The following PPP4R2 variants were observed in gnomAD, a reference collection of about 807,000 sequenced individuals.
PPP4R2 encodes the protein serine/threonine-protein phosphatase 4 regulatory subunit 2.
Under a neutral mutation model 47.2 loss-of-function variants are expected in PPP4R2, and 13 were observed. The ratio of observed to expected loss-of-function variants is 0.28; its 90% CI spans 0.18 to 0.44. The LOEUF (loss-of-function observed/expected upper bound fraction) is 0.44. Among genes scored for constraint, PPP4R2 ranks in the 20% least tolerant of loss-of-function variants. PPP4R2 has a pLI of 1.00. For missense variants in PPP4R2, 421 were observed against 491.2 expected, an observed-to-expected ratio of 0.86 and a Z score of 1.35; for synonymous variants, 151 against 163.3, an observed-to-expected ratio of 0.92 and a Z score of 0.57.
chr3:73,054,305 TATAA>T (rs1309601636), intron 3 of PPP4R2, among the ~76,000 whole-genome samples: 1 of 152,196 alleles, frequency 6.6e-6, no homozygotes, highest in Non-Finnish European at 1.5e-5. Context: ...AATTCATAAA[TATAA>T]ATATTTATGA....
At chr3:73,041,250 G>A (rs1702373363) in intron 2 of PPP4R2, among the ~76,000 whole-genome samples, 1 of 152,166 alleles carries the variant, frequency 6.6e-6, no homozygotes, top group Admixed American at 6.5e-5. Context: ...TCGACAAGAT[G>A]TAATATGATG....
At chr3:73,014,787 ATT>A (rs1440274948) in intron 2 of PPP4R2, 6 of 403,230 alleles carry the variant, frequency 1.5e-5, no homozygotes, top group Non-Finnish European at 1.3e-5. Flanking sequence ...TGCCTGTATC[ATT>A]TGTTTCATTG....
intron 3 of PPP4R2, among the ~76,000 whole-genome samples, chr3:73,053,926 C>T (rs1336401757): frequency 9.6e-6 from 1 of 104,006 alleles, no homozygotes; most frequent in South Asian, 3.4e-4. Flanking sequence ...AAAAAAAAAG[C>T]GAAATCTGTC....
At chr3:73,054,002 T>A (rs1702676249) in intron 3 of PPP4R2, among the ~76,000 whole-genome samples, 1 of 151,978 alleles carries the variant, frequency 6.6e-6, no homozygotes, top group Non-Finnish European at 1.5e-5. Context: ...AGTGTTGCTC[T>A]ATTACCTGGG....
intron 2 of PPP4R2, among the ~76,000 whole-genome samples, chr3:73,018,809 ATTCAAATATATATTATT>A (rs1403613268): frequency 1.3e-5 from 2 of 152,180 alleles, no homozygotes; most frequent in African/African-American, 4.8e-5. Flanking sequence ...GATGGCCCCC[ATTCAAATATATATTATT>A]TACTGAGAAG....
intron 2 of PPP4R2, among the ~76,000 whole-genome samples, chr3:73,033,148 A>G (rs1473919613): frequency 3.3e-5 from 5 of 152,232 alleles, no homozygotes; most frequent in Non-Finnish European, 7.3e-5. Context: ...GAGAGGAGGC[A>G]CAATAACAAT....
chr3:73,019,926 A>G (rs1701924957), intron 2 of PPP4R2, among the ~76,000 whole-genome samples: 1 of 152,120 alleles, frequency 6.6e-6, no homozygotes, highest in African/African-American at 2.4e-5. Context: ...TATTAGGGGT[A>G]TTTTGTTATA....
chr3:73,038,808 G>T (rs1292760590), intron 2 of PPP4R2, among the ~76,000 whole-genome samples: 1 of 152,138 alleles, frequency 6.6e-6, no homozygotes, highest in African/African-American at 2.4e-5. Context: ...TCATGAATAT[G>T]TAAGTTGCCA....
intron 7 of PPP4R2, 142 bp downstream of exon 7, chr3:73,064,288 T>TA: frequency 1.4e-6 from 1 of 690,410 alleles, no homozygotes; most frequent in Non-Finnish European, 2.4e-6. Flanking sequence ...TGGCTTCTCT[T>TA]TGCAGCTGTA....
chr3:73,047,839 A>G (rs1350115569), intron 3 of PPP4R2, among the ~76,000 whole-genome samples: 2 of 152,036 alleles, frequency 1.3e-5, no homozygotes, highest in South Asian at 4.2e-4. Context: ...CACTAAAAAG[A>G]TATTCTGTAC....
intron 3 of PPP4R2, among the ~76,000 whole-genome samples, chr3:73,048,571 C>T (rs1366847670): frequency 2.0e-5 from 3 of 152,132 alleles, no homozygotes; most frequent in Non-Finnish European, 4.4e-5. Context: ...TGTATTTTTA[C>T]GGTTTCCTTT....
intron 2 of PPP4R2, among the ~76,000 whole-genome samples, chr3:73,035,540 T>G (rs187896305): frequency 4.6e-5 from 7 of 152,216 alleles, no homozygotes; most frequent in Admixed American, 2.0e-4. Context: ...TAAAAATAGG[T>G]CTACCATCTG....
chr3:73,060,714 C>G (rs966224947), intron 4 of PPP4R2, among the ~76,000 whole-genome samples: 2 of 152,004 alleles, frequency 1.3e-5, no homozygotes, highest in African/African-American at 4.8e-5. Flanking sequence ...TTTGTTGATT[C>G]CATCTGAGCT....
At chr3:73,061,706 A>G (rs1331701730) in intron 5 of PPP4R2, 2 of 202,470 alleles carry the variant, frequency 9.9e-6, no homozygotes, top group East Asian at 1.7e-4. Context: ...CATTGGTTTA[A>G]GGTTAATCTG....
At position 73,034,846 on chromosome 3, in the gene PPP4R2, TA is replaced by T. The variant is rs57719588; in HGVS notation, c.117-12327del. 6.3e-3 allele frequency among the ~76,000 whole-genome samples: 927 copies of T among 147,216 alleles called. 18 individuals carry two copies. In the East Asian group the frequency reaches 0.082, roughly 13 times the overall value. On this transcript the variant is annotated intron_variant, in intron 2 of 8. Coordinates refer to ENST00000356692, the MANE Select transcript of PPP4R2 (RefSeq NM_174907.4). ...CTCTGCCTGGCCCTAGTTTTGTTCT[TA>T]AAAAAAAAAAAACATTTCCAACAGT... is the stretch of plus-strand genomic sequence containing the variant.
intron 2 of PPP4R2, among the ~76,000 whole-genome samples, chr3:73,036,958 A>C (rs1428187960): frequency 6.6e-6 from 1 of 152,208 alleles, no homozygotes; most frequent in African/African-American, 2.4e-5. Context: ...ATCTCTCACC[A>C]CTTGTGGCAG....
chr3:73,033,864 C>T (rs1174441669), intron 2 of PPP4R2, among the ~76,000 whole-genome samples: 1 of 152,176 alleles, frequency 6.6e-6, no homozygotes, highest in Non-Finnish European at 1.5e-5. Flanking sequence ...AATAACACTG[C>T]CGTGAATGTT....
chr3:73,041,647 ATAG>A (rs1394834979), intron 2 of PPP4R2, among the ~76,000 whole-genome samples: 34 of 152,344 alleles, frequency 2.2e-4, no homozygotes, highest in African/African-American at 7.5e-4. Context: ...GGAGTAGCTA[ATAG>A]TAGTAGGACT....
chr3:73,066,484 C>G lies in PPP4R2; in HGVS notation c.*762C>G, dbSNP rs573002292. 1.3e-5 allele frequency: 2 copies of G among 151,870 alleles called. No individual in the cohort carries two copies. Among genetic ancestry groups the G allele is most frequent in the South Asian group, 4.1e-4 (2 of 4,826 alleles). 9.4% of individuals were successfully genotyped at this position (151,870 alleles called of 1,614,324 possible). A position where few individuals can be genotyped will look rare whatever the true frequency, so the allele number is the denominator to read the frequency against. ...CAAGAGATCTGTTCAAACTCAAATT[C>G]TTTTGTATACTTCTGAGGTGCCTGA... On this transcript the variant is annotated 3_prime_UTR_variant, in exon 9 of 9. Transcript: ENST00000356692.
Sources: allele counts gnomAD v4.1 joint callset (sites outside exome capture counted in the v4.1 genomes callset), GRCh38; gene constraint gnomAD v4.1.1; transcripts MANE v1.5; gene names NCBI Gene and HGNC (gene_info 2026-07-23, HGNC 2026-07-21).